Variants in MEF2B observed in about 807,000 individuals in gnomAD.
The protein encoded by MEF2B is myocyte-specific enhancer factor 2B.
In MEF2B, 15 loss-of-function variants were observed where a neutral mutation model predicts 32.2. That is an observed-to-expected ratio of 0.47 (90% CI 0.31 to 0.72). The LOEUF is 0.72. Among genes scored for constraint, MEF2B ranks in the 30% least tolerant of loss-of-function variants. The pLI, the probability that MEF2B is intolerant of heterozygous loss-of-function variation, is 0.05. For missense variants in MEF2B, 441 were observed against 511.5 expected, an observed-to-expected ratio of 0.86 and a Z score of 1.33; for synonymous variants, 205 against 225.6, an observed-to-expected ratio of 0.91 and a Z score of 0.82.
chr19:19,158,934 C>T (rs1287286015), intron 1 of MEF2B, among the ~76,000 whole-genome samples: 2 of 151,112 alleles, frequency 1.3e-5, no homozygotes, highest in Non-Finnish European at 3.0e-5. Flanking sequence ...GAGACTGACT[C>T]GAAAGTTTTT....
intron 1 of MEF2B, among the ~76,000 whole-genome samples, chr19:19,157,658 G>GC (rs769086809): frequency 3.4e-4 from 52 of 152,154 alleles, no homozygotes; most frequent in Admixed American, 5.2e-4. Flanking sequence ...GACAAGCCTG[G>GC]CCAACATAGC....
intron 8 of MEF2B, 39 bp downstream of exon 8, chr19:19,146,234 T>G (rs929429332): frequency 1.1e-6 from 1 of 940,974 alleles, no homozygotes; most frequent in Non-Finnish European, 1.5e-6. Flanking sequence ...GGCCGGGGCT[T>G]TGGAGGACTG....
chr19:19,147,660 G>A (rs2060038864), intron 4 of MEF2B, 38 bp downstream of exon 4: 4 of 1,603,536 alleles, frequency 2.5e-6, no homozygotes, highest in East Asian at 4.5e-5. Context: ...TAGGAAGTAG[G>A]AGGAATGCCT....
intron 1 of MEF2B, among the ~76,000 whole-genome samples, chr19:19,155,029 G>A (rs960656737): frequency 2.6e-5 from 4 of 152,124 alleles, no homozygotes; most frequent in Non-Finnish European, 5.9e-5. Flanking sequence ...AACTCACGCA[G>A]GAGTTTCACT....
At chr19:19,162,788 G>A (rs936701520) in intron 1 of MEF2B, among the ~76,000 whole-genome samples, 8 of 151,914 alleles carry the variant, frequency 5.3e-5, no homozygotes, top group African/African-American at 9.7e-5. Context: ...GGCCAGGGCC[G>A]GGGCTGTAGG....
At chr19:19,148,451 C>T (rs1412599212) in intron 3 of MEF2B, among the ~76,000 whole-genome samples, 1 of 152,108 alleles carries the variant, frequency 6.6e-6, no homozygotes, top group Non-Finnish European at 1.5e-5. Context: ...GGCGACAAAG[C>T]AAGACTCATT....
rs113032276 is a variant in MEF2B at position 19,168,728 on chromosome 19, G to A, written c.-30+1477C>T. Reference sequence around the variant, plus strand: ...CCTGCCTCAGCCTCCCGAGTAGCTGGGACTATACACATAAGCCACCACACC... The same window carrying A: ...CCTGCCTCAGCCTCCCGAGTAGCTGAGACTATACACATAAGCCACCACACC... On this transcript the variant is annotated intron_variant, in intron 1 of 8. Coordinates refer to ENST00000424583, the MANE Select transcript of MEF2B (RefSeq NM_001145785.2). Among the ~76,000 whole-genome samples the A allele has an allele frequency of 3.3e-3, 503 of 151,966 alleles. 3 individuals carry two copies. Among genetic ancestry groups the A allele is most frequent in the African/African-American group, 0.011 (474 of 41,480 alleles).
At chr19:19,161,463 C>A (rs1457687862) in intron 1 of MEF2B, among the ~76,000 whole-genome samples, 1 of 152,012 alleles carries the variant, frequency 6.6e-6, no homozygotes, top group African/African-American at 2.4e-5. Context: ...GTTCACGATA[C>A]GCCAAACCCC....
chr19:19,166,809 A>G (rs1300748715), intron 1 of MEF2B, among the ~76,000 whole-genome samples: 2 of 152,120 alleles, frequency 1.3e-5, no homozygotes, highest in Non-Finnish European at 2.9e-5. Context: ...CATGCCTCTA[A>G]TCCCAGCACT....
At chr19:19,146,681 G>A in intron 6 of MEF2B, 33 bp from the exon 7 acceptor site, 1 of 1,613,516 alleles carries the variant, frequency 6.2e-7, no homozygotes, top group African/African-American at 1.3e-5. Context: ...GGAAACTGAG[G>A]CCCACACCCA....
chr19:19,148,845 G>T (rs555627340), intron 3 of MEF2B, among the ~76,000 whole-genome samples: 11 of 151,876 alleles, frequency 7.2e-5, no homozygotes, highest in Non-Finnish European at 1.5e-4. Flanking sequence ...CCAAGTAGCT[G>T]GGATTAGAGG....
chr19:19,150,495 G>T (rs572498221), intron 2 of MEF2B, among the ~76,000 whole-genome samples, 187 bp downstream of exon 2: 48 of 146,812 alleles, frequency 3.3e-4, no homozygotes, highest in African/African-American at 9.7e-4. Context: ...TTGCACTCCA[G>T]GCTGGGCAAC....
At chr19:19,167,788 T>TG (rs928016898) in intron 1 of MEF2B, among the ~76,000 whole-genome samples, 8 of 152,130 alleles carry the variant, frequency 5.3e-5, no homozygotes, top group African/African-American at 9.7e-5. Context: ...AGCCACCTGT[T>TG]GGGGGGTCAC....
Position 19,146,592 on chromosome 19 carries a change from TG to T in MEF2B, c.731del (p.Pro244HisfsTer160). On this transcript the variant is annotated frameshift_variant, in exon 7 of 9. Coordinates refer to ENST00000424583, the MANE Select transcript of MEF2B (RefSeq NM_001145785.2). LOFTEE classifies it high-confidence loss of function. ...NPCSTATPGP[P>X]LGSFPFLPGG... ...CGGGGAGGAAGGGGAAGCTCCCCAG[TG>T]GGGGTCCGGGAGTTGCAGTGGAGCA... is the stretch of plus-strand genomic sequence containing the variant. The T allele has an allele frequency of 3.1e-6, 5 of 1,602,156 alleles. No homozygotes were observed. The highest frequency in any genetic ancestry group is 4.3e-6 in the Non-Finnish European group (5 of 1,175,274).
At chr19:19,151,860 C>A (rs184564250) in intron 1 of MEF2B, among the ~76,000 whole-genome samples, 68 of 152,170 alleles carry the variant, frequency 4.5e-4, no homozygotes, top group Admixed American at 1.4e-3. Context: ...CGGTGGCTCA[C>A]GCCTGTAATC....
At chr19:19,153,060 C>T (rs1027701413) in intron 1 of MEF2B, among the ~76,000 whole-genome samples, 2 of 152,182 alleles carry the variant, frequency 1.3e-5, no homozygotes, top group African/African-American at 2.4e-5. Flanking sequence ...GGGGGGTGGA[C>T]GGGGGCCTTG....
At chr19:19,152,163 G>A (rs1456388364) in intron 1 of MEF2B, among the ~76,000 whole-genome samples, 1 of 151,454 alleles carries the variant, frequency 6.6e-6, no homozygotes, top group Non-Finnish European at 1.5e-5. Flanking sequence ...GTTTCACCAT[G>A]TTGGTCAGGC....
At chr19:19,155,528 C>T (rs930979810) in intron 1 of MEF2B, among the ~76,000 whole-genome samples, 1 of 152,192 alleles carries the variant, frequency 6.6e-6, no homozygotes, top group Non-Finnish European at 1.5e-5. Flanking sequence ...ATGTCACTGA[C>T]CCCCTCCACA....
At chr19:19,146,498 C>T (rs2060027112) in intron 7 of MEF2B, 57 bp downstream of exon 7, 1 of 1,460,742 alleles carries the variant, frequency 6.8e-7, no homozygotes. Flanking sequence ...GTGGAACCCC[C>T]AGAGGGCAGG....
Sources: allele counts gnomAD v4.1 joint callset (sites outside exome capture counted in the v4.1 genomes callset), GRCh38; gene constraint gnomAD v4.1.1; transcripts MANE v1.5; gene names NCBI Gene and HGNC (gene_info 2026-07-23, HGNC 2026-07-21).